Variants in AKAP9 observed in about 807,000 individuals in gnomAD.
AKAP9 encodes the protein A-kinase anchor protein 9.
Under a neutral mutation model 488.5 loss-of-function variants are expected in AKAP9, and 311 were observed. The observed-to-expected ratio is 0.64, with a 90% confidence interval of 0.58 to 0.70. The LOEUF is 0.70. Ranked by LOEUF, AKAP9 falls within the 30% of genes least tolerant of loss-of-function variation. The pLI, the probability that AKAP9 is intolerant of heterozygous loss-of-function variation, is 0.00. For missense variants in AKAP9, 4,215 were observed against 4,374.5 expected (o/e 0.96, Z 1.03); for synonymous variants, 1,462 against 1,483.5 (o/e 0.99, Z 0.33).
At chr7:92,044,375 C>T (rs1480044587) in intron 20 of AKAP9, among the ~76,000 whole-genome samples, 1 of 152,090 alleles carries the variant, frequency 6.6e-6, no homozygotes, top group African/African-American at 2.4e-5. Flanking sequence ...GTAATAAAAA[C>T]GGCCTATGAT....
chr7:91,983,174 T>G (rs1796648432), intron 3 of AKAP9, among the ~76,000 whole-genome samples: 1 of 152,130 alleles, frequency 6.6e-6, no homozygotes, highest in Non-Finnish European at 1.5e-5. Context: ...TTTCATTTGG[T>G]ATACCTCCTA....
In AKAP9 at chr7:92,017,068, A is replaced by G. The variant is rs574347880; in HGVS notation, c.3803A>G (p.Asn1268Ser). 23 of 1,591,642 alleles carry G rather than the reference A, an allele frequency of 1.4e-5. No homozygotes were observed. Among genetic ancestry groups the G allele is most frequent in the East Asian group, 2.2e-5 (1 of 44,514 alleles). ...TLLNKVTEEY[N>S]KLLVLQTRLS... ...CTCAACAAAGTAACAGAAGAATACA[A>G]CAAACTCTTGGTACTTCAAACACGA... Residue 1268 changes from asparagine to serine, a missense_variant, in exon 12 of 50, where the codon AAC (asparagine) becomes AGC (serine). Asn to Ser is a conservative substitution (Grantham distance 46, BLOSUM62 1). Around this residue, in one of 5 missense-constraint regions of AKAP9, gnomAD observed 2,361 missense variants for 2,430.0 expected, o/e 0.97. Transcript: ENST00000356239.
At chr7:92,091,650 A>G (rs1306600428) in intron 38 of AKAP9, among the ~76,000 whole-genome samples, 3 of 151,964 alleles carry the variant, frequency 2.0e-5, no homozygotes, top group Non-Finnish European at 4.4e-5. Flanking sequence ...TAAGAAGGAA[A>G]AAAAAAAGCA....
chr7:92,093,051 A>G, intron 38 of AKAP9, 46 bp from the exon 39 acceptor site: 1 of 1,502,780 alleles, frequency 6.7e-7, no homozygotes, highest in Non-Finnish European at 9.2e-7. Flanking sequence ...TAAACCAAAT[A>G]TGAGTTGCTT....
At chr7:92,102,448 TTACTACTACTACTACTACTAC>T (rs11276778) in intron 45 of AKAP9, 125 bp from the exon 46 acceptor site, 74 of 594,740 alleles carry the variant, frequency 1.2e-4, no homozygotes, top group Middle Eastern at 4.5e-4. Context: ...CGTTTTACTA[TTACTACTACTACTACTACTAC>T]TACTACTACT....
At chr7:92,024,552 G>A (rs1253400713) in intron 14 of AKAP9, among the ~76,000 whole-genome samples, 1 of 151,618 alleles carries the variant, frequency 6.6e-6, no homozygotes, top group East Asian at 1.9e-4. Context: ...GCTTTATAAG[G>A]GTGGGGCTCT....
At chr7:91,956,708 A>G (rs1793068076) in intron 1 of AKAP9, among the ~76,000 whole-genome samples, 1 of 152,098 alleles carries the variant, frequency 6.6e-6, no homozygotes, top group Non-Finnish European at 1.5e-5. Flanking sequence ...GCATTCTTCC[A>G]CACAGTCCAG....
At position 91,994,642 on chromosome 7, in the gene AKAP9, A is replaced by G. The variant is rs772261291; in HGVS notation, c.598A>G (p.Ile200Val). 2.5e-5 allele frequency: 41 copies of G among 1,612,948 alleles called. No individual in the cohort carries two copies. In the South Asian group the frequency reaches 4.3e-4, roughly 17 times the overall value. ...TCAGTTACAAGAATTTGAAGCTGCC[A>G]TTAAACAAAGAGATGGCATTATAAC... ...LQQLQEFEAA[I>V]KQRDGIITQL... The change falls in exon 6 of 50, where the codon ATT becomes GTT. Residue 200 changes from isoleucine (I) to valine (V), a missense_variant. Ile to Val is a conservative substitution (Grantham distance 29). Coordinates refer to ENST00000356239, the MANE Select transcript of AKAP9 (RefSeq NM_005751.5).
At chr7:91,961,647 A>G (rs950295076) in intron 1 of AKAP9, among the ~76,000 whole-genome samples, 7 of 151,942 alleles carry the variant, frequency 4.6e-5, no homozygotes, top group Admixed American at 2.6e-4. Context: ...GATTGAGACC[A>G]TCCTAGCTAA....
intron 29 of AKAP9, 59 bp downstream of exon 29, chr7:92,077,066 C>A: frequency 3.8e-6 from 2 of 531,786 alleles, no homozygotes; most frequent in Non-Finnish European, 5.5e-6. Context: ...TCCTATATTG[C>A]TTTATTATTA....
chr7:92,033,442 CTTTTTTTTT>C (rs35497475), intron 16 of AKAP9, among the ~76,000 whole-genome samples: 42 of 107,374 alleles, frequency 3.9e-4, no homozygotes, highest in African/African-American at 1.2e-3. Context: ...CTTTTCTTTT[CTTTTTTTTT>C]TTTTTTTTTT....
chr7:92,050,604 A>AT lies in AKAP9; in HGVS notation c.5369-2116dup, dbSNP rs753605709. Among the ~76,000 whole-genome samples, 9 of 152,072 alleles carry AT rather than the reference A, an allele frequency of 5.9e-5. No individual in the cohort carries two copies. In the East Asian group the frequency reaches 1.2e-3, roughly 20 times the overall value. Reference sequence around the variant, plus strand: ...CATCTCTCTCCTGCCTCTCTCTGATATTTTTTAACACAGGTTCTTTTGTTA... The same window carrying AT: ...CATCTCTCTCCTGCCTCTCTCTGATATTTTTTTAACACAGGTTCTTTTGTTA... On this transcript the variant is annotated intron_variant, in intron 21 of 49. Transcript: ENST00000356239.
intron 8 of AKAP9, 53 bp downstream of exon 8, chr7:92,003,288 C>A: frequency 7.4e-7 from 1 of 1,359,380 alleles, no homozygotes; most frequent in Non-Finnish European, 1.0e-6. Flanking sequence ...ATGTACATTT[C>A]ACACTAAGGT....
intron 7 of AKAP9, among the ~76,000 whole-genome samples, chr7:91,997,909 G>A (rs916942315): frequency 2.0e-5 from 3 of 151,590 alleles, no homozygotes; most frequent in African/African-American, 7.3e-5. Context: ...TAATTCTATC[G>A]GCAGCTGAGA....
In AKAP9 at chr7:92,083,471, T is replaced by G; in HGVS notation, c.8462T>G (p.Ile2821Ser). 1 of 1,613,684 alleles carries G rather than the reference T, an allele frequency of 6.2e-7. No individual in the cohort carries two copies. Among genetic ancestry groups the G allele is most frequent in the Non-Finnish European group, 8.5e-7 (1 of 1,179,814 alleles). ...TCCTCAGAAGAAGTTACTGAAATAA[T>G]CAGTCAGTTTACTGAAAAAATTGAG... ...ECSSEEVTEI[I>S]SQFTEKIEKM... The change falls in exon 33 of 50, where the codon ATC becomes AGC. Residue 2821 changes from isoleucine (I) to serine (S), a missense_variant. Ile to Ser is a moderately radical substitution (Grantham distance 142). Around this residue, in one of 5 missense-constraint regions of AKAP9, gnomAD observed 1,476 missense variants for 1,477.4 expected, o/e 1.00. Coordinates refer to ENST00000356239, the MANE Select transcript of AKAP9 (RefSeq NM_005751.5).
chr7:91,992,462 G>A (rs1421715677), intron 4 of AKAP9, among the ~76,000 whole-genome samples: 1 of 151,984 alleles, frequency 6.6e-6, no homozygotes, highest in Non-Finnish European at 1.5e-5. Flanking sequence ...TAAGGAGTTC[G>A]AGACCAGCCT....
At chr7:92,092,734 C>T (rs996721633) in intron 38 of AKAP9, 3 of 226,406 alleles carry the variant, frequency 1.3e-5, no homozygotes, top group Non-Finnish European at 2.7e-5. Flanking sequence ...GCAACCTCCA[C>T]CTCCCGGGCT....
intron 9 of AKAP9, among the ~76,000 whole-genome samples, chr7:92,013,230 A>G (rs1236197978): frequency 2.6e-5 from 4 of 151,388 alleles, no homozygotes; most frequent in African/African-American, 9.7e-5. Flanking sequence ...TGACCTCGTG[A>G]TCCGCCCGCC....
At chr7:91,978,241 C>CAAAAAA (rs11295179) in intron 2 of AKAP9, among the ~76,000 whole-genome samples, 1 of 88,730 alleles carries the variant, frequency 1.1e-5, no homozygotes, top group African/African-American at 4.0e-5. Context: ...GACTCTGTCT[C>CAAAAAA]AAAAAAAAAA....
Sources: gnomAD v4.1 joint callset for allele counts (sites outside exome capture counted in the v4.1 genomes callset) on GRCh38, gnomAD v4.1.1 for gene constraint, gnomAD v4.1.1 regional missense constraint, MANE v1.5 for transcripts, NCBI Gene and HGNC (gene_info 2026-07-23, HGNC 2026-07-21) for gene names.